Variants in DOCK2 observed in about 807,000 individuals in gnomAD.
DOCK2 encodes the protein dedicator of cytokinesis protein 2.
Under a neutral mutation model 248.9 loss-of-function variants are expected in DOCK2, and 87 were observed. The observed-to-expected ratio is 0.35, with a 90% CI of 0.29 to 0.42. DOCK2 has a LOEUF of 0.42. Ranked by LOEUF, DOCK2 falls within the 10% of genes least tolerant of loss-of-function variation. DOCK2 has a pLI of 1.00. For missense variants in DOCK2, 1,747 were observed against 2,300.2 expected (o/e 0.76, Z 4.92); for synonymous variants, 805 against 821.6 (o/e 0.98, Z 0.35).
At chr5:169,843,365 A>G (rs751905146) in intron 27 of DOCK2, among the ~76,000 whole-genome samples, 4 of 152,036 alleles carry the variant, frequency 2.6e-5, no homozygotes, top group Non-Finnish European at 5.9e-5. Context: ...CTACTAAAAT[A>G]CAAAAAATTA....
intron 27 of DOCK2, among the ~76,000 whole-genome samples, chr5:169,845,049 C>G (rs1299597765): frequency 6.6e-6 from 1 of 151,500 alleles, no homozygotes; most frequent in South Asian, 2.1e-4. Context: ...TGTGATGTCT[C>G]TCAGGAATCT....
intron 26 of DOCK2, among the ~76,000 whole-genome samples, chr5:169,836,265 C>G (rs565669881): frequency 1.2e-4 from 19 of 152,188 alleles, no homozygotes; most frequent in Non-Finnish European, 8.8e-5. Context: ...AGCTGAACAA[C>G]AACAACCTGG....
chr5:169,791,762 G>A (rs913006146), intron 25 of DOCK2, among the ~76,000 whole-genome samples: 7 of 152,170 alleles, frequency 4.6e-5, no homozygotes, highest in South Asian at 2.1e-4. Flanking sequence ...GTAAAATGGG[G>A]ACAATGCAAT....
At chr5:170,081,707 C>A (rs1758038801) in intron 50 of DOCK2, 135 bp from the exon 51 acceptor site, 4 of 1,009,748 alleles carry the variant, frequency 4.0e-6, no homozygotes, top group African/African-American at 1.6e-5. Flanking sequence ...AGGCATCCTG[C>A]CTCCTGCTTG....
At chr5:169,867,814 A>C (rs1210900393) in intron 27 of DOCK2, among the ~76,000 whole-genome samples, 1 of 152,170 alleles carries the variant, frequency 6.6e-6, no homozygotes, top group Non-Finnish European at 1.5e-5. Flanking sequence ...TTCTGTCTGC[A>C]CCACCTATAC....
chr5:170,080,442 C>A (rs546305332), intron 50 of DOCK2, 159 bp downstream of exon 50: 9 of 1,101,800 alleles, frequency 8.2e-6, no homozygotes, highest in African/African-American at 1.6e-5. Flanking sequence ...CTAATCTCTC[C>A]CCACACCCAC....
At chr5:169,759,812 G>T in intron 24 of DOCK2, 37 bp downstream of exon 24, 1 of 1,612,094 alleles carries the variant, frequency 6.2e-7, no homozygotes, top group Middle Eastern at 1.7e-4. Flanking sequence ...GGCTCTGCTG[G>T]CAAGCTAGGG....
chr5:169,770,805 G>T (rs777001512), intron 25 of DOCK2, among the ~76,000 whole-genome samples: 1 of 152,052 alleles, frequency 6.6e-6, no homozygotes, highest in African/African-American at 2.4e-5. Flanking sequence ...TTTTGATGAC[G>T]GTAGGAAATT....
intron 27 of DOCK2, among the ~76,000 whole-genome samples, chr5:169,899,468 G>A (rs1372702157): frequency 6.6e-6 from 1 of 152,174 alleles, no homozygotes; most frequent in African/African-American, 2.4e-5. Context: ...AATGATTGCA[G>A]GTCAAAAATG....
intron 27 of DOCK2, among the ~76,000 whole-genome samples, chr5:169,936,093 G>T (rs1319296649): frequency 6.6e-6 from 1 of 152,096 alleles, no homozygotes; most frequent in African/African-American, 2.4e-5. Flanking sequence ...AAACAAAATC[G>T]TTCCCCACTT....
At chr5:169,752,894 G>C (rs1045872161) in intron 23 of DOCK2, among the ~76,000 whole-genome samples, 1 of 151,972 alleles carries the variant, frequency 6.6e-6, no homozygotes, top group African/African-American at 2.4e-5. Flanking sequence ...GTGAAATCTC[G>C]CCTCTACTAA....
At chr5:170,023,677 C>G (rs1051521308) in intron 33 of DOCK2, among the ~76,000 whole-genome samples, 1 of 152,184 alleles carries the variant, frequency 6.6e-6, no homozygotes, top group Admixed American at 6.5e-5. Flanking sequence ...ACGTGACATT[C>G]TCTTTTCCAG....
At chr5:169,993,448 A>G (rs1778259445) in intron 29 of DOCK2, among the ~76,000 whole-genome samples, 1 of 152,164 alleles carries the variant, frequency 6.6e-6, no homozygotes, top group South Asian at 2.1e-4. Context: ...AGGTTACATT[A>G]CTGCTATTTC....
intron 29 of DOCK2, among the ~76,000 whole-genome samples, chr5:169,986,803 C>G (rs1778081072): frequency 1.3e-5 from 2 of 152,112 alleles, no homozygotes; most frequent in South Asian, 4.2e-4. Context: ...CATGGAAAGC[C>G]CTTCAACTTA....
At chr5:169,794,040 C>G (rs988828850) in intron 25 of DOCK2, among the ~76,000 whole-genome samples, 9 of 152,124 alleles carry the variant, frequency 5.9e-5, no homozygotes, top group African/African-American at 1.9e-4. Context: ...TTATCAGCGC[C>G]CATTGTTGTA....
chr5:169,801,450 A>G (rs140860202), intron 25 of DOCK2, among the ~76,000 whole-genome samples: 1 of 152,300 alleles, frequency 6.6e-6, no homozygotes, highest in African/African-American at 2.4e-5. Context: ...CTTAGTCACT[A>G]GGAGAATTTA....
intron 26 of DOCK2, among the ~76,000 whole-genome samples, chr5:169,823,404 T>C (rs940813007): frequency 4.7e-5 from 7 of 149,850 alleles, no homozygotes; most frequent in Non-Finnish European, 1.0e-4. Context: ...CAGCAGCACA[T>C]CAAAAAGCTT....
intron 12 of DOCK2, 124 bp downstream of exon 12, chr5:169,699,582 A>G: frequency 1.1e-6 from 1 of 918,076 alleles, no homozygotes; most frequent in Non-Finnish European, 1.6e-6. Context: ...GACCACTGGG[A>G]AGAATGGGAA....
chr5:170,081,543 C>T, intron 50 of DOCK2: 2 of 376,644 alleles, frequency 5.3e-6, no homozygotes, highest in Non-Finnish European at 9.7e-6. Context: ...TCACACTGTC[C>T]CCTGCCTTGG....
Sources: allele counts gnomAD v4.1 joint callset (sites outside exome capture counted in the v4.1 genomes callset), GRCh38; gene constraint gnomAD v4.1.1; transcripts MANE v1.5; gene names NCBI Gene and HGNC (gene_info 2026-07-23, HGNC 2026-07-21).